The following BRINP1 variants were observed in gnomAD, a reference collection of about 807,000 sequenced individuals.
BRINP1 encodes the protein BMP/retinoic acid inducible neural specific 1.
A neutral mutation model predicts 72.9 loss-of-function variants in BRINP1; 17 were observed. That is an observed-to-expected ratio of 0.23 (90% CI 0.16 to 0.35). The LOEUF (loss-of-function observed/expected upper bound fraction) is 0.35. Among genes scored for constraint, BRINP1 ranks in the 10% least tolerant of loss-of-function variants. BRINP1 has a pLI of 1.00. For missense variants in BRINP1, 850 were observed against 1,001.6 expected (o/e 0.85, Z 2.04); for synonymous variants, 418 against 378.5 (o/e 1.10, Z -1.21).
chr9:119,318,645 T>C (rs898853380), intron 1 of BRINP1, among the ~76,000 whole-genome samples: 30 of 152,206 alleles, frequency 2.0e-4, no homozygotes, highest in Admixed American at 1.6e-3. Flanking sequence ...TGTTGGGAGA[T>C]CCTGGTAGTG....
At chr9:119,251,693 AGGGG>A (rs61563981) in intron 2 of BRINP1, among the ~76,000 whole-genome samples, 6,476 of 151,832 alleles carry the variant, frequency 0.043, 475 homozygotes, top group African/African-American at 0.15. Flanking sequence ...AGAATAAAAT[AGGGG>A]GGAGCATGAA....
At chr9:119,264,764 G>C (rs567813659) in intron 2 of BRINP1, among the ~76,000 whole-genome samples, 2 of 152,118 alleles carry the variant, frequency 1.3e-5, no homozygotes, top group African/African-American at 4.8e-5. Flanking sequence ...TCCGCCTCCC[G>C]GGTTCAAACA....
intron 2 of BRINP1, 50 bp downstream of exon 2, chr9:119,313,088 A>C: frequency 6.3e-7 from 1 of 1,578,586 alleles, no homozygotes; most frequent in Non-Finnish European, 8.6e-7. Flanking sequence ...GCCTGACTCC[A>C]CAAAGCATAA....
Position 119,342,680 on chromosome 9 carries a change from G to A in BRINP1, c.-51+26376C>T, listed in dbSNP as rs187822653. Among the ~76,000 whole-genome samples, 141 of 152,290 alleles carry A rather than the reference G, an allele frequency of 9.3e-4. 3 individuals carry two copies. In the South Asian group the frequency reaches 0.014, roughly 15 times the overall value. ...TATATAAGACCTGTAAGACTACCCCGTGAATGAGAGGCGATTTGTGAGCAA... is the reference window on the plus strand; with the variant it reads ...TATATAAGACCTGTAAGACTACCCCATGAATGAGAGGCGATTTGTGAGCAA... On this transcript the variant is annotated intron_variant, in intron 1 of 7. Coordinates refer to ENST00000265922, the MANE Select transcript of BRINP1 (RefSeq NM_014618.3).
At chr9:119,285,673 A>G (rs1830754447) in intron 2 of BRINP1, among the ~76,000 whole-genome samples, 1 of 151,988 alleles carries the variant, frequency 6.6e-6, no homozygotes, top group Non-Finnish European at 1.5e-5. Context: ...GATACTTTGT[A>G]CCTCCTCATT....
intron 1 of BRINP1, among the ~76,000 whole-genome samples, chr9:119,346,779 A>C (rs1831457088): frequency 6.6e-6 from 1 of 152,234 alleles, no homozygotes; most frequent in Non-Finnish European, 1.5e-5. Context: ...GTTTCCTTCA[A>C]GGAACTTAAA....
intron 2 of BRINP1, among the ~76,000 whole-genome samples, chr9:119,302,018 T>C (rs1830944274): frequency 6.6e-6 from 1 of 152,184 alleles, no homozygotes; most frequent in Non-Finnish European, 1.5e-5. Flanking sequence ...GAAATCCCTA[T>C]TGTCATTAGG....
At position 119,167,458 on chromosome 9, in the gene BRINP1, C is replaced by G. The variant is rs373662170; in HGVS notation, c.1912G>C (p.Val638Leu). The change falls in exon 8 of 8, where the codon GTG (valine) becomes CTG (leucine). Residue 638 changes from valine (V) to leucine (L), a missense_variant. Physicochemically the swap from Val to Leu is conservative, Grantham distance 32. Coordinates refer to ENST00000265922, the MANE Select transcript of BRINP1 (RefSeq NM_014618.3). The surrounding 1 kb of genome is among the most constrained non-coding windows in gnomAD (Gnocchi z 4.3). ...LLRNETGQGP[V>L]DLSDPSKRQF... is the part of the protein sequence containing the mutation. ...CTCTTGGAGGGATCCGACAGGTCCACGGGGCCCTGGCCAGTCTCATTTCGC... is the reference window on the plus strand; with the variant it reads ...CTCTTGGAGGGATCCGACAGGTCCAGGGGGCCCTGGCCAGTCTCATTTCGC... 6.2e-7 allele frequency: 1 copy of G among 1,614,036 alleles called. No homozygotes were observed. The highest frequency in any genetic ancestry group is 8.5e-7 in the Non-Finnish European group (1 of 1,179,980).
At chr9:119,210,930 T>C (rs1223574428) in intron 6 of BRINP1, among the ~76,000 whole-genome samples, 1 of 152,148 alleles carries the variant, frequency 6.6e-6, no homozygotes, top group Non-Finnish European at 1.5e-5. Context: ...TAGCATAAGA[T>C]TGACAGGATG....
chr9:119,219,566 T>A (rs1247998826), intron 5 of BRINP1, among the ~76,000 whole-genome samples: 1 of 151,556 alleles, frequency 6.6e-6, no homozygotes, highest in Non-Finnish European at 1.5e-5. Flanking sequence ...GAAGCCCTAC[T>A]ATGTGCCAGG....
chr9:119,222,579 T>C (rs1353440579), intron 5 of BRINP1, among the ~76,000 whole-genome samples: 1 of 151,970 alleles, frequency 6.6e-6, no homozygotes, highest in Non-Finnish European at 1.5e-5. Flanking sequence ...AAGGCATCCA[T>C]CATGTGCAGA....
intron 2 of BRINP1, among the ~76,000 whole-genome samples, chr9:119,257,899 C>A (rs1167130247): frequency 1.3e-5 from 2 of 152,200 alleles, no homozygotes; most frequent in East Asian, 1.9e-4. Context: ...TCCCATAACA[C>A]AACTGGCAAG....
Position 119,369,303 on chromosome 9 carries a change from T to TCTCGCTCTCGCTCTCGCTGTTG in BRINP1, c.-320_-299dup. The TCTCGCTCTCGCTCTCGCTGTTG allele has an allele frequency of 2.5e-6, 1 of 398,784 alleles. No individual in the cohort carries two copies. The highest frequency in any genetic ancestry group is 4.4e-6 in the Non-Finnish European group (1 of 226,226). The allele number at this position is 398,784 out of a possible 1,614,324, so 24.7% of individuals were successfully genotyped here. The stretch of plus-strand genomic sequence containing the variant: ...CACTACTCCCTCTGCCTCCCGGCTC[T>TCTCGCTCTCGCTCTCGCTGTTG]CTCGCTCTCGCTCTCGCTGTTGCTC... On this transcript the variant is annotated 5_prime_UTR_variant, in exon 1 of 8. Transcript: ENST00000265922.
chr9:119,248,702 G>C (rs1019850781), intron 3 of BRINP1, among the ~76,000 whole-genome samples: 1 of 152,254 alleles, frequency 6.6e-6, no homozygotes, highest in African/African-American at 2.4e-5. Flanking sequence ...CTAACAAATG[G>C]AGCCAATTCC....
chr9:119,183,035 G>A (rs1344730319), intron 7 of BRINP1, among the ~76,000 whole-genome samples: 1 of 152,184 alleles, frequency 6.6e-6, no homozygotes, highest in Non-Finnish European at 1.5e-5. Context: ...CATCAAGGTT[G>A]TGGAACAATT....
intron 1 of BRINP1, among the ~76,000 whole-genome samples, chr9:119,329,657 C>T (rs1831279680): frequency 6.6e-6 from 1 of 152,158 alleles, no homozygotes; most frequent in Non-Finnish European, 1.5e-5. Flanking sequence ...TTAACATACA[C>T]AGGACAAAGA....
intron 7 of BRINP1, among the ~76,000 whole-genome samples, chr9:119,193,757 T>C (rs1213927674): frequency 1.3e-5 from 2 of 152,216 alleles, no homozygotes; most frequent in East Asian, 1.9e-4. Flanking sequence ...AAAAACCTAC[T>C]CTATGTATCC....
At chr9:119,288,799 T>G (rs952385694) in intron 2 of BRINP1, among the ~76,000 whole-genome samples, 1 of 144,920 alleles carries the variant, frequency 6.9e-6, no homozygotes, top group African/African-American at 2.7e-5. Flanking sequence ...TTTTGTTTTG[T>G]TTTTTTTTTT....
intron 7 of BRINP1, among the ~76,000 whole-genome samples, chr9:119,207,079 A>T (rs1373918161): frequency 6.6e-6 from 1 of 151,696 alleles, no homozygotes; most frequent in Admixed American, 6.6e-5. Context: ...AAGGGGGGAA[A>T]GAGAGAGAAA....
Sources: gnomAD v4.1 joint callset for allele counts (sites outside exome capture counted in the v4.1 genomes callset) on GRCh38, gnomAD v4.1.1 for gene constraint, Gnocchi (gnomAD v3.1) non-coding constraint, MANE v1.5 for transcripts, NCBI Gene and HGNC (gene_info 2026-07-23, HGNC 2026-07-21) for gene names.